MEN1: variants seen among roughly 807,000 people sequenced by gnomAD.
The protein encoded by MEN1 is menin.
A neutral mutation model predicts 58.0 loss-of-function variants in MEN1; 6 were observed. The ratio of observed to expected loss-of-function variants is 0.10; its 90% CI spans 0.06 to 0.20. MEN1 has a LOEUF of 0.20. MEN1 is among the 10% of genes least tolerant of loss of function. The probability of loss-of-function intolerance (pLI) is 1.00; values close to 1 mark genes in which losing one functional copy is unlikely to be tolerated. For synonymous variants in MEN1, 346 were observed against 350.7 expected (o/e 0.99, Z 0.15); for missense variants, 492 against 818.5 (o/e 0.60, Z 4.87).
chr11:64,804,714 G>T lies in MEN1; in HGVS notation c.1453C>A (p.Arg485=), dbSNP rs1254459338. The T allele has an allele frequency of 2.5e-6, 4 of 1,596,536 alleles. No individual in the cohort carries two copies. The highest frequency in any genetic ancestry group is 3.4e-6 in the Non-Finnish European group (4 of 1,177,812). Residue 485 remains arginine, a synonymous_variant, in exon 10 of 10, where the codon CGG becomes AGG. Coordinates refer to ENST00000450708, the MANE Select transcript of MEN1 (RefSeq NM_001370259.2). This position sits in a 1 kb window ranked among gnomAD's most constrained non-coding sequence, Gnocchi z 4.2. The stretch of plus-strand genomic sequence containing the variant: ...GGGGGCTCCTCTGGCTTGGACTCCC[G>T]CCGTGGGCCCCGCCGCCGGCCTTCC... ...AREGRRRGPR[R]ESKPEEPPPP...
rs1060499982 is a variant in MEN1 at position 64,807,653 on chromosome 11, T to C, written c.682A>G (p.Met228Val). Residue 228 changes from methionine (M) to valine (V), a missense_variant, in exon 4 of 10, where the codon ATG (methionine) becomes GTG (valine). By Grantham distance (21) the Met-to-Val change is conservative. Around this residue, in one of 5 missense-constraint regions of MEN1, gnomAD observed 335 missense variants for 550.3 expected, o/e 0.61. Transcript: ENST00000450708. This position sits in a 1 kb window ranked among gnomAD's most constrained non-coding sequence, Gnocchi z 4.9. Reference sequence around the variant, plus strand: ...ACCTCCATCTTGCGGTCACAGCGCATGTATGATCCTTTCAGGTACAGCCAG... The same window carrying C: ...ACCTCCATCTTGCGGTCACAGCGCACGTATGATCCTTTCAGGTACAGCCAG... ...RSWLYLKGSY[M>V]RCDRKMEVAF... 6.2e-7 allele frequency: 1 copy of C among 1,614,166 alleles called. No individual in the cohort carries two copies. The highest frequency in any genetic ancestry group is 8.5e-7 in the Non-Finnish European group (1 of 1,180,040).
Position 64,805,649 on chromosome 11 carries a change from C to T in MEN1, c.1171G>A (p.Gly391Arg). Residue 391 changes from glycine to arginine, a missense_variant, in exon 8 of 10, where the codon GGG becomes AGG. Around this residue, in one of 5 missense-constraint regions of MEN1, gnomAD observed 335 missense variants for 550.3 expected, o/e 0.61. Coordinates refer to ENST00000450708, the MANE Select transcript of MEN1 (RefSeq NM_001370259.2). ...SLLEAGEERP[G>R]EQSQGTQSQG... The stretch of plus-strand genomic sequence containing the variant: ...CAGCCTTTCACCTGGCTTTGCTCCC[C>T]CGGCCGCTCCTCGCCCGCCTCCAGC... 1 of 1,614,016 alleles carries T rather than the reference C, an allele frequency of 6.2e-7. No individual in the cohort carries two copies. The highest frequency in any genetic ancestry group is 8.5e-7 in the Non-Finnish European group (1 of 1,180,004).
rs1197831134 is a variant in MEN1 at position 64,810,368 on chromosome 11, C to A, written c.-24+146G>T. The A allele has an allele frequency of 3.6e-5, 20 of 551,920 alleles. No homozygotes were observed. The East Asian group carries it at 5.8e-4, about 16-fold the overall frequency. The allele number at this position is 551,920 out of a possible 1,614,324, so 34.2% of individuals were successfully genotyped here. On this transcript the variant is annotated intron_variant, in intron 1 of 9. Coordinates refer to ENST00000450708, the MANE Select transcript of MEN1 (RefSeq NM_001370259.2). ...GCCCGGTACCCGATGGGGTGCGCCC[C>A]AAGCACCCCAATGAGGAGCCCCAAT...
Position 64,809,836 on chromosome 11 carries a change from G to C in MEN1, c.274C>G (p.Arg92Gly), listed in dbSNP as rs1488275961. 1.2e-6 allele frequency: 2 copies of C among 1,613,416 alleles called. No homozygotes were observed. Among genetic ancestry groups the C allele is most frequent in the African/African-American group, 2.7e-5 (2 of 74,934 alleles). ...GCGCCTCGGATCTGGGCGGTGAAGC[G>C]GGCATAGAGGGCGGCGATGATAGAC... ...DLSIIAALYA[R>G]FTAQIRGAVD... Residue 92 changes from arginine (R) to glycine (G), a missense_variant, in exon 2 of 10, where the codon CGC becomes GGC. Physicochemically the swap from Arg to Gly is moderately radical, Grantham distance 125. Coordinates refer to ENST00000450708, the MANE Select transcript of MEN1 (RefSeq NM_001370259.2).
At chr11:64,810,360 G>A (rs1430485637) in intron 1 of MEN1, 154 bp downstream of exon 1, 12 of 560,536 alleles carry the variant, frequency 2.1e-5, no homozygotes. Flanking sequence ...ACCCGATGGG[G>A]TGCGCCCCAA....
rs1941811258 is a variant in MEN1, at chr11:64,807,484, C to T, written c.783+68G>A. The stretch of plus-strand genomic sequence containing the variant: ...TGAAGCTCAGGAAGGGAAAGTGCCC[C>T]TGCCCAGGGTCCCACAGCAAGTCAA... On this transcript the variant is annotated intron_variant, in intron 4 of 9. Transcript: ENST00000450708. This position sits in a 1 kb window ranked among gnomAD's most constrained non-coding sequence, Gnocchi z 4.9. 2 of 1,564,438 alleles carry T rather than the reference C, an allele frequency of 1.3e-6. No homozygotes were observed. Among genetic ancestry groups the T allele is most frequent in the African/African-American group, 1.4e-5 (1 of 74,032 alleles).
chr11:64,809,593 AG>A, intron 2 of MEN1, 71 bp downstream of exon 2: 1 of 1,565,614 alleles, frequency 6.4e-7, no homozygotes, highest in South Asian at 1.1e-5. Flanking sequence ...AGTTCTTAAA[AG>A]GGTTCTGTAA....
chr11:64,807,452 G>A lies in MEN1; in HGVS notation c.783+100C>T. Reference sequence around the variant, plus strand: ...AATTACTAACCCATTTTTCCAGGAGGGGAAGCTGAAGCTCAGGAAGGGAAA... The same window carrying A: ...AATTACTAACCCATTTTTCCAGGAGAGGAAGCTGAAGCTCAGGAAGGGAAA... On this transcript the variant is annotated intron_variant, in intron 4 of 9. Coordinates refer to ENST00000450708, the MANE Select transcript of MEN1 (RefSeq NM_001370259.2). This position sits in a 1 kb window ranked among gnomAD's most constrained non-coding sequence, Gnocchi z 4.9. The A allele has an allele frequency of 3.0e-6, 4 of 1,320,098 alleles. No individual in the cohort carries two copies. Among genetic ancestry groups the A allele is most frequent in the South Asian group, 1.2e-5 (1 of 82,016 alleles). 81.8% of individuals were successfully genotyped at this position (1,320,098 alleles called of 1,614,324 possible). A position where few individuals can be genotyped will look rare whatever the true frequency, so the allele number is the denominator to read the frequency against.
Position 64,809,766 on chromosome 11 carries a change from C to T in MEN1, c.344G>A (p.Arg115His), listed in dbSNP as rs1114167507. ...ATCGGAGACCTTCTTCACCAGCTCA[C>T]GGCTGGAGACACCCCCTTCTCGAGG... The part of the protein sequence containing the change: ...LYPREGGVSS[R>H]ELVKKVSDVI... The change falls in exon 2 of 10, where the codon CGT becomes CAT. Residue 115 changes from arginine to histidine, a missense_variant. By Grantham distance (29) the Arg-to-His change is conservative (BLOSUM62 0). This residue lies in a region of MEN1 where 335 missense variants were observed against 550.3 expected (regional missense o/e 0.61). Coordinates refer to ENST00000450708, the MANE Select transcript of MEN1 (RefSeq NM_001370259.2). 6 of 1,613,990 alleles carry T rather than the reference C, an allele frequency of 3.7e-6. No individual in the cohort carries two copies. The highest frequency in any genetic ancestry group is 4.2e-6 in the Non-Finnish European group (5 of 1,180,032).
chr11:64,804,654 C>T lies in MEN1; in HGVS notation c.1513G>A (p.Gly505Ser). Reference sequence around the variant, plus strand: ...CCTGACACTGCACCCTGGCCGGTGCCCAGGCCCTTGTCCAGTGCTGGCTTC... The same window carrying T: ...CCTGACACTGCACCCTGGCCGGTGCTCAGGCCCTTGTCCAGTGCTGGCTTC... The part of the protein sequence containing the change: ...PKKPALDKGL[G>S]TGQGAVSGPP... Residue 505 changes from glycine (G) to serine (S), a missense_variant, in exon 10 of 10, where the codon GGC becomes AGC. By Grantham distance (56) the Gly-to-Ser change is moderately conservative. This residue lies in a region of MEN1 where 79 missense variants were observed against 82.5 expected (regional missense o/e 0.96). Transcript: ENST00000450708. The surrounding 1 kb of genome is among the most constrained non-coding windows in gnomAD (Gnocchi z 4.2). 2 of 1,599,988 alleles carry T rather than the reference C, an allele frequency of 1.3e-6. No individual in the cohort carries two copies. Among genetic ancestry groups the T allele is most frequent in the Non-Finnish European group, 8.5e-7 (1 of 1,176,106 alleles).
chr11:64,808,720 C>T (rs200962989), intron 2 of MEN1, among the ~76,000 whole-genome samples: 15 of 151,780 alleles, frequency 9.9e-5, no homozygotes, highest in East Asian at 9.7e-4. Context: ...CCAAGGCGGG[C>T]GGATCACGAG....
At position 64,805,651 on chromosome 11, in the gene MEN1, G is replaced by A. The variant is rs761102084; in HGVS notation, c.1169C>T (p.Pro390Leu). 1.2e-5 allele frequency: 19 copies of A among 1,613,810 alleles called. 1 individual carries two copies. Among genetic ancestry groups the A allele is most frequent in the East Asian group, 4.5e-5 (2 of 44,882 alleles). Reference sequence around the variant, plus strand: ...GCCTTTCACCTGGCTTTGCTCCCCCGGCCGCTCCTCGCCCGCCTCCAGCAA... The same window carrying A: ...GCCTTTCACCTGGCTTTGCTCCCCCAGCCGCTCCTCGCCCGCCTCCAGCAA... Reference protein sequence around the residue: ...ASLLEAGEERPGEQSQGTQSQ... With the variant: ...ASLLEAGEERLGEQSQGTQSQ... The change falls in exon 8 of 10, where the codon CCG becomes CTG. Residue 390 changes from proline (P) to leucine (L), a missense_variant. Physicochemically the swap from Pro to Leu is moderately conservative, Grantham distance 98. Transcript: ENST00000450708.
rs1592646641 is a variant in MEN1, at chr11:64,807,074, C to T, written c.849G>A (p.Leu283=). 2.5e-6 allele frequency: 4 copies of T among 1,613,938 alleles called. No homozygotes were observed. The African/African-American group carries it at 5.3e-5, about 22-fold the overall frequency. ...LERYPMALGN[L]ADLEELEPTP... ...TGGGCTCCAGCTCCTCTAGATCTGC[C>T]AGGTTCCCTAAGGCCATGGGGTACC... Residue 283 remains leucine, a synonymous_variant, in exon 6 of 10, where the codon CTG becomes CTA. Coordinates refer to ENST00000450708, the MANE Select transcript of MEN1 (RefSeq NM_001370259.2). This position sits in a 1 kb window ranked among gnomAD's most constrained non-coding sequence, Gnocchi z 4.9.
rs928163083 is a variant in MEN1, at chr11:64,803,517, T to A, written c.*817A>T. On this transcript the variant is annotated 3_prime_UTR_variant, in exon 10 of 10. Coordinates refer to ENST00000450708, the MANE Select transcript of MEN1 (RefSeq NM_001370259.2). The stretch of plus-strand genomic sequence containing the variant: ...ATAAACATGGACTTGCGCTTTATAT[T>A]TTTTTTAACAAAATGTATTCATCTT... The A allele has an allele frequency of 8.8e-6, 2 of 228,096 alleles. No homozygotes were observed. Among genetic ancestry groups the A allele is most frequent in the Admixed American group, 1.1e-4 (2 of 17,584 alleles). 14.1% of individuals were successfully genotyped at this position (228,096 alleles called of 1,614,324 possible).
chr11:64,808,214 C>G, intron 2 of MEN1, 115 bp from the exon 3 acceptor site: 1 of 979,268 alleles, frequency 1.0e-6, no homozygotes, highest in South Asian at 1.5e-5. Context: ...TGTGACCCAA[C>G]CTCAGATTCT....
chr11:64,810,522 T>G lies in MEN1; in HGVS notation c.-32A>C. 1 of 186,584 alleles carries G rather than the reference T, an allele frequency of 5.4e-6. No individual in the cohort carries two copies. Among genetic ancestry groups the G allele is most frequent in the Non-Finnish European group, 1.1e-5 (1 of 87,882 alleles). 11.6% of individuals were successfully genotyped at this position (186,584 alleles called of 1,614,324 possible). A position where few individuals can be genotyped will look rare whatever the true frequency, so the allele number is the denominator to read the frequency against. On this transcript the variant is annotated 5_prime_UTR_variant, in exon 1 of 10. The change abolishes the stop of an existing upstream ORF in the 5' untranslated region. Coordinates refer to ENST00000450708, the MANE Select transcript of MEN1 (RefSeq NM_001370259.2). ...CGGTCCCCCTCGCCCACCTCCGCGC[T>G]TACATCCCACACTAGGCACCGCGGC...
At chr11:64,810,453 C>A (rs577209535) in intron 1 of MEN1, 61 bp downstream of exon 1, 2 of 314,080 alleles carry the variant, frequency 6.4e-6, no homozygotes, top group Non-Finnish European at 1.2e-5. Flanking sequence ...GTCCAGAAAG[C>A]GCACCCAGGT....
rs1393815573 is a variant in MEN1 at position 64,810,316 on chromosome 11, C to G, written c.-23-184G>C. 3.7e-5 allele frequency: 22 copies of G among 594,944 alleles called. No individual in the cohort carries two copies. The East Asian group carries it at 6.2e-4, about 17-fold the overall frequency. The allele number at this position is 594,944 out of a possible 1,614,324, so 36.9% of individuals were successfully genotyped here. ...AGACCCCTCAGCCGAGACTGCAGAGCCTTTTTGTCCCCCACAATTCCGGGA... is the reference window on the plus strand; with the variant it reads ...AGACCCCTCAGCCGAGACTGCAGAGGCTTTTTGTCCCCCACAATTCCGGGA... On this transcript the variant is annotated intron_variant, in intron 1 of 9. Coordinates refer to ENST00000450708, the MANE Select transcript of MEN1 (RefSeq NM_001370259.2).
upstream of MEN1, chr11:64,810,620 C>T (rs1054077235): frequency 3.8e-5 from 6 of 156,928 alleles, no homozygotes; most frequent in African/African-American, 7.2e-5. Flanking sequence ...GAAGTGGAGT[C>T]TGGGCCCACC....
Sources: gnomAD v4.1 joint callset for allele counts (sites outside exome capture counted in the v4.1 genomes callset) on GRCh38, gnomAD v4.1.1 for gene constraint, gnomAD v4.1.1 regional missense constraint, Gnocchi (gnomAD v3.1) non-coding constraint, MANE v1.5 for transcripts, NCBI Gene and HGNC (gene_info 2026-07-23, HGNC 2026-07-21) for gene names.